The following DCLK1 variants were observed in gnomAD, a reference collection of about 807,000 sequenced individuals.
DCLK1 encodes serine/threonine-protein kinase DCLK1.
In DCLK1, 16 loss-of-function variants were observed where a neutral mutation model predicts 86.2. The ratio of observed to expected loss-of-function variants is 0.19; its 90% CI spans 0.13 to 0.28. DCLK1 has a LOEUF of 0.28. DCLK1 is among the 10% of genes least tolerant of loss of function. DCLK1 has a pLI of 1.00. For synonymous variants in DCLK1, 369 were observed against 370.5 expected (o/e 1.00, Z 0.05); for missense variants, 590 against 940.2 (o/e 0.63, Z 4.87).
intron 6 of DCLK1, chr13:35,846,543 T>C (rs1183534169): frequency 1.0e-6 from 1 of 985,190 alleles, no homozygotes; most frequent in Admixed American, 6.2e-5. Context: ...CCTTAAAAAT[T>C]ATAGTGAGGG....
chr13:35,774,689 A>G lies in DCLK1; in HGVS notation c.2069T>C (p.Leu690Pro). ...AGVSVIATTA[L>P]DKERQVFRRR... ...TCGGAAAACCTGCCTCTCCTTATCAAGAGCGGTGGTCTAGCAGGGGCATAA... is the reference window on the plus strand; with the variant it reads ...TCGGAAAACCTGCCTCTCCTTATCAGGAGCGGTGGTCTAGCAGGGGCATAA... The change falls in exon 17 of 17, where the codon CTT becomes CCT. Residue 690 changes from leucine to proline, a missense_variant. Leu to Pro is a moderately conservative substitution (Grantham distance 98). Coordinates refer to ENST00000360631, the MANE Select transcript of DCLK1 (RefSeq NM_001330071.2). 1 of 1,612,076 alleles carries G rather than the reference A, an allele frequency of 6.2e-7. No individual in the cohort carries two copies. The highest frequency in any genetic ancestry group is 8.5e-7 in the Non-Finnish European group (1 of 1,179,104).
At chr13:35,881,272 G>A (rs74046119) in intron 4 of DCLK1, among the ~76,000 whole-genome samples, 6,437 of 152,270 alleles carry the variant, frequency 0.042, 165 homozygotes, top group Non-Finnish European at 0.06. Flanking sequence ...ATAAGTGACA[G>A]CATCCCTAAT....
rs1455641477 is a variant in DCLK1 at position 35,901,572 on chromosome 13, G to A, written c.824-30232C>T. Among the ~76,000 whole-genome samples the A allele has an allele frequency of 7.3e-5, 11 of 149,816 alleles. No individual in the cohort carries two copies. In the South Asian group the frequency reaches 2.3e-3, roughly 32 times the overall value. On this transcript the variant is annotated intron_variant, in intron 4 of 16. Coordinates refer to ENST00000360631, the MANE Select transcript of DCLK1 (RefSeq NM_001330071.2). ...GGCCTTGCGGGGAGGAAATAGGGTA[G>A]AACTTTAGAAGACAGAGCCAGAGGT...
chr13:35,824,226 G>T (rs1391061066), intron 10 of DCLK1, among the ~76,000 whole-genome samples: 2 of 152,154 alleles, frequency 1.3e-5, no homozygotes, highest in Non-Finnish European at 2.9e-5. Context: ...ACCCAGGCTG[G>T]AGTGCAGTAG....
At chr13:35,965,218 C>T (rs1378647371) in intron 3 of DCLK1, among the ~76,000 whole-genome samples, 1 of 152,138 alleles carries the variant, frequency 6.6e-6, no homozygotes, top group African/African-American at 2.4e-5. Flanking sequence ...GAAATAAGTA[C>T]AACACACATA....
chr13:35,940,596 A>G (rs1877030075), intron 4 of DCLK1, among the ~76,000 whole-genome samples: 1 of 152,154 alleles, frequency 6.6e-6, no homozygotes, highest in Non-Finnish European at 1.5e-5. Flanking sequence ...CCAAATCAAC[A>G]TGGGCACGGA....
At chr13:36,114,224 AT>A (rs768641821) in intron 2 of DCLK1, among the ~76,000 whole-genome samples, 4 of 152,264 alleles carry the variant, frequency 2.6e-5, no homozygotes, top group Non-Finnish European at 5.9e-5. Flanking sequence ...ATCTTCTTAG[AT>A]AAAGCACCCT....
At chr13:35,892,251 G>C (rs1297712555) in intron 4 of DCLK1, among the ~76,000 whole-genome samples, 1 of 152,050 alleles carries the variant, frequency 6.6e-6, no homozygotes, top group East Asian at 1.9e-4. Flanking sequence ...TCATTTAAGA[G>C]CTTTCACTAA....
chr13:35,956,011 T>C (rs1877957977), intron 3 of DCLK1, among the ~76,000 whole-genome samples: 1 of 152,196 alleles, frequency 6.6e-6, no homozygotes, highest in African/African-American at 2.4e-5. Context: ...TAATACCACA[T>C]CAGTCCTATT....
chr13:35,996,602 A>C (rs1880489184), intron 3 of DCLK1, among the ~76,000 whole-genome samples: 1 of 152,150 alleles, frequency 6.6e-6, no homozygotes, highest in Non-Finnish European at 1.5e-5. Flanking sequence ...TTTGAACTGC[A>C]ACATCAGCTC....
At chr13:35,921,822 T>A (rs74046150) in intron 4 of DCLK1, among the ~76,000 whole-genome samples, 4,638 of 151,926 alleles carry the variant, frequency 0.031, 229 homozygotes, top group African/African-American at 0.11. Context: ...AAGGGGCAGG[T>A]AAGGTGGGGA....
At chr13:36,050,153 T>G (rs762861753) in intron 3 of DCLK1, among the ~76,000 whole-genome samples, 2 of 152,210 alleles carry the variant, frequency 1.3e-5, no homozygotes, top group African/African-American at 2.4e-5. Context: ...ATTTTATAAC[T>G]GAATAATACT....
chr13:36,007,639 T>G (rs1349034322), intron 3 of DCLK1, among the ~76,000 whole-genome samples: 1 of 152,234 alleles, frequency 6.6e-6, no homozygotes, highest in African/African-American at 2.4e-5. Context: ...GAATATATTC[T>G]ATTCCCTAAA....
intron 8 of DCLK1, among the ~76,000 whole-genome samples, chr13:35,832,051 G>A (rs1365360081): frequency 6.6e-6 from 1 of 152,158 alleles, no homozygotes; most frequent in Admixed American, 6.5e-5. Flanking sequence ...CCAGCATTTT[G>A]AGAGGCCGAG....
At chr13:35,812,763 G>T (rs901122924) in intron 11 of DCLK1, among the ~76,000 whole-genome samples, 2 of 152,194 alleles carry the variant, frequency 1.3e-5, no homozygotes, top group African/African-American at 4.8e-5. Flanking sequence ...TCAAGTTTGG[G>T]CTGCCCTCTG....
At chr13:35,827,558 A>C in intron 10 of DCLK1, 77 bp downstream of exon 10, 1 of 1,548,838 alleles carries the variant, frequency 6.5e-7, no homozygotes, top group Non-Finnish European at 8.8e-7. Flanking sequence ...GATGGGAGAA[A>C]ATAAGGGAAA....
intron 6 of DCLK1, among the ~76,000 whole-genome samples, chr13:35,840,367 C>T (rs1005584701): frequency 2.0e-5 from 3 of 152,116 alleles, no homozygotes; most frequent in Non-Finnish European, 4.4e-5. Flanking sequence ...GGAAATGCTG[C>T]CTAAGTCACT....
intron 3 of DCLK1, among the ~76,000 whole-genome samples, chr13:36,089,082 G>A (rs1884723174): frequency 6.6e-6 from 1 of 152,112 alleles, no homozygotes; most frequent in African/African-American, 2.4e-5. Flanking sequence ...CTATATTCAA[G>A]TTGGAGGTGA....
intron 4 of DCLK1, among the ~76,000 whole-genome samples, chr13:35,872,588 G>A (rs1872344539): frequency 6.6e-6 from 1 of 152,100 alleles, no homozygotes; most frequent in African/African-American, 2.4e-5. Flanking sequence ...TTAGTCCCTG[G>A]CACTTGACAT....
Sources: allele counts gnomAD v4.1 joint callset (sites outside exome capture counted in the v4.1 genomes callset), GRCh38; gene constraint gnomAD v4.1.1; transcripts MANE v1.5; gene names NCBI Gene and HGNC (gene_info 2026-07-23, HGNC 2026-07-21).